Variants in DPH6 observed in about 807,000 individuals in gnomAD.
DPH6 encodes diphthine--ammonia ligase.
In DPH6, 33 loss-of-function variants were observed where a neutral mutation model predicts 38.2. The ratio of observed to expected loss-of-function variants is 0.86; its 90% confidence interval spans 0.65 to 1.15. The LOEUF is 1.15. Among genes scored for constraint, DPH6 ranks in the 50% most tolerant of loss-of-function variants. The pLI is 0.00. For synonymous variants in DPH6, 108 were observed against 103.0 expected, an observed-to-expected ratio of 1.05 and a Z score of -0.30; for missense variants, 325 against 320.0, an observed-to-expected ratio of 1.02 and a Z score of -0.12.
chr15:35,480,011 G>A (rs2054308205), intron 3 of DPH6, among the ~76,000 whole-genome samples: 1 of 151,664 alleles, frequency 6.6e-6, no homozygotes, highest in South Asian at 2.1e-4. Context: ...ATTTTCAAGT[G>A]TATCTTTCTG....
At chr15:35,546,052 C>G (rs1218320223) in intron 1 of DPH6, 67 bp downstream of exon 1, 15 of 1,293,096 alleles carry the variant, frequency 1.2e-5, no homozygotes, top group Non-Finnish European at 1.4e-5. Context: ...TCTTTCGGCG[C>G]TAGCGGCGGC....
At chr15:35,311,369 C>T (rs1189787413) in intron 3 of DPH6, among the ~76,000 whole-genome samples, 6 of 152,156 alleles carry the variant, frequency 3.9e-5, no homozygotes, top group Non-Finnish European at 8.8e-5. Flanking sequence ...AGTGGTTATA[C>T]AGTACCATCT....
downstream of DPH6, among the ~76,000 whole-genome samples, chr15:35,329,889 G>A (rs1438409899): frequency 6.6e-6 from 1 of 152,032 alleles, no homozygotes; most frequent in African/African-American, 2.4e-5. Context: ...ATAGGCTGCT[G>A]GACTGGTCAG....
chr15:35,507,869 T>A (rs564564818), intron 3 of DPH6, among the ~76,000 whole-genome samples: 1 of 152,066 alleles, frequency 6.6e-6, no homozygotes, highest in East Asian at 1.9e-4. Context: ...CATACAAACA[T>A]ATATATAACC....
At chr15:35,212,630 C>T (rs2051393944), downstream of DPH6, among the ~76,000 whole-genome samples, 1 of 152,152 alleles carries the variant, frequency 6.6e-6, no homozygotes, top group South Asian at 2.1e-4. Context: ...AAGAGCAAAG[C>T]ATATTATTAG....
At chr15:35,212,330 G>T in the DPH6 span, among the ~76,000 whole-genome samples, 1 of 152,106 alleles carries the variant, frequency 6.6e-6, no homozygotes, top group Non-Finnish European at 1.5e-5. Context: ...GAGAAAAACA[G>T]AATTTTGTTA....
At chr15:35,527,406 G>C (rs903097756) in intron 3 of DPH6, among the ~76,000 whole-genome samples, 3 of 152,156 alleles carry the variant, frequency 2.0e-5, no homozygotes, top group African/African-American at 7.2e-5. Context: ...TCTAGGAGCT[G>C]TATGGAGTCT....
chr15:35,539,191 C>T (rs1327781875), intron 2 of DPH6, among the ~76,000 whole-genome samples: 1 of 151,656 alleles, frequency 6.6e-6, no homozygotes, highest in Non-Finnish European at 1.5e-5. Flanking sequence ...CTGGAATAGA[C>T]CTTTAGATCT....
chr15:35,285,872 G>GTTTTTTTTTTTTTTTTTTTT (rs67243158), intron 3 of DPH6, among the ~76,000 whole-genome samples: 4,028 of 52,734 alleles, frequency 0.076, 1,546 homozygotes, highest in Middle Eastern at 0.1. Context: ...TTATCTTTGA[G>GTTTTTTTTTTTTTTTTTTTT]TTTTTTTTTT....
At chr15:35,520,625 CAAAAGT>C in intron 3 of DPH6, 2 of 984,382 alleles carry the variant, frequency 2.0e-6, no homozygotes, top group Non-Finnish European at 2.4e-6. Context: ...AAAAATAATG[CAAAAGT>C]AAAAGGGAGT....
chr15:35,251,544 TC>T (rs2140409715), intron 3 of DPH6, among the ~76,000 whole-genome samples: 1 of 152,314 alleles, frequency 6.6e-6, no homozygotes, highest in African/African-American at 2.4e-5. Flanking sequence ...ATAAGGTCCT[TC>T]ACACTTTGGC....
At chr15:35,452,420 A>C (rs1211592964) in intron 4 of DPH6, among the ~76,000 whole-genome samples, 2 of 152,198 alleles carry the variant, frequency 1.3e-5, no homozygotes, top group Non-Finnish European at 2.9e-5. Flanking sequence ...TATAAGGTTT[A>C]TAAGTAAAAC....
intron 3 of DPH6, among the ~76,000 whole-genome samples, chr15:35,338,797 G>T (rs1352411299): frequency 1.2e-4 from 18 of 152,184 alleles, no homozygotes; most frequent in Non-Finnish European, 5.9e-5. Flanking sequence ...GTCTGACAAT[G>T]ATAGACTGGA....
At chr15:35,233,486 G>A (rs1170777135) in intron 3 of DPH6, among the ~76,000 whole-genome samples, 2 of 152,122 alleles carry the variant, frequency 1.3e-5, no homozygotes, top group African/African-American at 4.8e-5. Flanking sequence ...AAAAATTAAG[G>A]TACACTGTTA....
chr15:35,419,404 C>T (rs997371310), intron 5 of DPH6, among the ~76,000 whole-genome samples: 1 of 152,030 alleles, frequency 6.6e-6, no homozygotes, highest in Non-Finnish European at 1.5e-5. Context: ...GACTTAAATG[C>T]TTACAGCTCT....
At chr15:35,341,772 T>C (rs1029235798) in intron 3 of DPH6, among the ~76,000 whole-genome samples, 1 of 152,170 alleles carries the variant, frequency 6.6e-6, no homozygotes, top group African/African-American at 2.4e-5. Context: ...TACTGACCTG[T>C]CGCTGTTCCA....
chr15:35,485,968 A>G (rs1027409883), intron 3 of DPH6, among the ~76,000 whole-genome samples: 1 of 152,138 alleles, frequency 6.6e-6, no homozygotes, highest in Non-Finnish European at 1.5e-5. Flanking sequence ...GTATTAGTCC[A>G]TTTTCACACT....
the DPH6 span, among the ~76,000 whole-genome samples, chr15:35,182,072 T>G: frequency 1.3e-5 from 2 of 152,048 alleles, no homozygotes; most frequent in Non-Finnish European, 2.9e-5. Context: ...TTTGTAGGTT[T>G]GTTTTTATTT....
chr15:35,148,883 A>C, the DPH6 span, among the ~76,000 whole-genome samples: 2 of 152,294 alleles, frequency 1.3e-5, no homozygotes, highest in East Asian at 3.9e-4. Flanking sequence ...TGTGCATAAA[A>C]CACTATTAGC....
Sources: gnomAD v4.1 joint callset for allele counts (sites outside exome capture counted in the v4.1 genomes callset) on GRCh38, gnomAD v4.1.1 for gene constraint, MANE v1.5 for transcripts, NCBI Gene and HGNC (gene_info 2026-07-23, HGNC 2026-07-21) for gene names.